The following IQSEC1 variants were observed in gnomAD, a reference collection of about 807,000 sequenced individuals.
IQSEC1 encodes IQ motif and Sec7 domain ArfGEF 1, also known as IQ motif and SEC7 domain-containing protein 1.
Under a neutral mutation model 91.0 loss-of-function variants are expected in IQSEC1, and 31 were observed. That is an observed-to-expected ratio of 0.34 (90% CI 0.26 to 0.46). The LOEUF (loss-of-function observed/expected upper bound fraction) is 0.46. Among genes scored for constraint, IQSEC1 ranks in the 20% least tolerant of loss-of-function variants. The pLI, the probability that IQSEC1 is intolerant of heterozygous loss-of-function variation, is 1.00. For missense variants in IQSEC1, 1,388 were observed against 1,575.6 expected (o/e 0.88, Z 2.02); for synonymous variants, 699 against 662.6 (o/e 1.05, Z -0.84).
At chr3:12,952,673 C>A (rs750009935) in intron 1 of IQSEC1, among the ~76,000 whole-genome samples, 1 of 152,222 alleles carries the variant, frequency 6.6e-6, no homozygotes, top group Non-Finnish European at 1.5e-5. Context: ...CAGCCCAGCC[C>A]CCTGGCCTCC....
intron 1 of IQSEC1, among the ~76,000 whole-genome samples, chr3:12,991,788 T>C (rs1002670965): frequency 1.3e-5 from 2 of 152,172 alleles, no homozygotes; most frequent in Non-Finnish European, 2.9e-5. Context: ...GCAGTTCTTC[T>C]GGTGTGGCCT....
In IQSEC1 at chr3:12,899,014, G is replaced by A. The variant is rs970789126; in HGVS notation, c.*1969C>T. Reference sequence around the variant, plus strand: ...TGAGCAGACACCAAAGAAATGCCACGCCAATGGGAGGACACAGGTGGGCGG... The same window carrying A: ...TGAGCAGACACCAAAGAAATGCCACACCAATGGGAGGACACAGGTGGGCGG... On this transcript the variant is annotated 3_prime_UTR_variant, in exon 14 of 14. Transcript: ENST00000613206. 1.2e-5 allele frequency: 3 copies of A among 240,726 alleles called. No homozygotes were observed. The highest frequency in any genetic ancestry group is 1.0e-4 in the East Asian group (1 of 9,786). The allele number at this position is 240,726 out of a possible 1,614,324, so 14.9% of individuals were successfully genotyped here.
At chr3:13,001,332 G>A (rs940573294) in intron 1 of IQSEC1, among the ~76,000 whole-genome samples, 4 of 152,102 alleles carry the variant, frequency 2.6e-5, no homozygotes, top group African/African-American at 7.2e-5. Flanking sequence ...GCATGAGGTT[G>A]GACATTTCAT....
chr3:13,055,137 G>A (rs966115817), intron 1 of IQSEC1, among the ~76,000 whole-genome samples: 7 of 152,216 alleles, frequency 4.6e-5, no homozygotes, highest in African/African-American at 1.7e-4. Context: ...TGCGGCGATT[G>A]TCCCGGGGTT....
intron 1 of IQSEC1, among the ~76,000 whole-genome samples, chr3:13,215,042 C>G (rs1694517955): frequency 6.6e-6 from 1 of 152,062 alleles, no homozygotes; most frequent in Admixed American, 6.5e-5. Context: ...AATGCAAAGG[C>G]TGCAGAGGCG....
At position 12,908,424 on chromosome 3, in the gene IQSEC1, C is replaced by A; in HGVS notation, c.2680G>T (p.Asp894Tyr). 1 of 1,613,386 alleles carries A rather than the reference C, an allele frequency of 6.2e-7. No individual in the cohort carries two copies. The highest frequency in any genetic ancestry group is 8.5e-7 in the Non-Finnish European group (1 of 1,180,036). ...GNGTLSRACL[D>Y]DSYASGEGLK... ...CCCTCACCGCTGGCATAGCTGTCGT[C>A]CAGGCAGGCCCGGCTCAGTGTTCCG... Residue 894 changes from aspartate (D) to tyrosine (Y), a missense_variant, in exon 12 of 14, where the codon GAC becomes TAC. Transcript: ENST00000613206. This position sits in a 1 kb window ranked among gnomAD's most constrained non-coding sequence, Gnocchi z 4.9.
chr3:13,240,350 G>A (rs374080848), intron 1 of IQSEC1, among the ~76,000 whole-genome samples: 1 of 152,182 alleles, frequency 6.6e-6, no homozygotes, highest in South Asian at 2.1e-4. Flanking sequence ...CAGCCTGGGT[G>A]ACAGAGTGAG....
rs373371544 is a variant in IQSEC1, at chr3:13,144,805, AG to A, written c.302+19298del. ...TGATAGCCCAGGAGCTCTGCTGAGA[AG>A]GAACACAGGCTTCCCACAGAAGAGG... On this transcript the variant is annotated intron_variant, in intron 2 of 15. Transcript: ENST00000648114. Among the ~76,000 whole-genome samples the A allele has an allele frequency of 2.5e-3, 378 of 152,358 alleles. 18 individuals are homozygous for A. The South Asian group carries it at 0.077, about 31-fold the overall frequency.
intron 1 of IQSEC1, among the ~76,000 whole-genome samples, chr3:13,170,070 C>T (rs985809102): frequency 6.6e-6 from 1 of 152,226 alleles, no homozygotes; most frequent in Non-Finnish European, 1.5e-5. Flanking sequence ...AGCCCAGAGG[C>T]CTAGGAGAAA....
chr3:13,129,834 G>A (rs1706581240), intron 2 of IQSEC1, among the ~76,000 whole-genome samples: 1 of 150,850 alleles, frequency 6.6e-6, no homozygotes, highest in African/African-American at 2.4e-5. Context: ...GTTTTTTTGT[G>A]TTTTTAGTAG....
rs183818840 is a variant in IQSEC1 at position 13,244,663 on chromosome 3, G to A, written c.272+38048C>T. ...CACTCCATACTGATCCCCACTCCCA[G>A]CCTCAGCAGCTGGGGCATGCGATAA... On this transcript the variant is annotated intron_variant, in intron 1 of 15. Transcript: ENST00000648114. Among the ~76,000 whole-genome samples, 22 of 152,298 alleles carry A rather than the reference G, an allele frequency of 1.4e-4. 1 individual carries two copies. The East Asian group carries it at 4.2e-3, about 29-fold the overall frequency.
rs191577000 is a variant in IQSEC1 at position 13,008,652 on chromosome 3, C to A, written c.23+64340G>T. Among the ~76,000 whole-genome samples the A allele has an allele frequency of 7.2e-5, 11 of 152,340 alleles. No individual in the cohort carries two copies. In the South Asian group the frequency reaches 1.4e-3, roughly 20 times the overall value. ...TTACTTGTCACCTCTCTGCCTCCCC[C>A]AACCCCCAAATGCCAGCTCTGTGAG... is the stretch of plus-strand genomic sequence containing the variant. On this transcript the variant is annotated intron_variant, in intron 1 of 13. Transcript: ENST00000613206. The surrounding 1 kb of genome is among the most constrained non-coding windows in gnomAD (Gnocchi z 4.1).
chr3:13,016,168 G>C (rs1208456390), intron 1 of IQSEC1, among the ~76,000 whole-genome samples: 6 of 152,222 alleles, frequency 3.9e-5, no homozygotes, highest in Middle Eastern at 3.2e-3. Context: ...TCCCCCACAG[G>C]GGTGCCATCT....
intron 2 of IQSEC1, among the ~76,000 whole-genome samples, chr3:13,118,962 A>G (rs1336416790): frequency 3.9e-5 from 6 of 152,120 alleles, no homozygotes; most frequent in South Asian, 2.1e-4. Flanking sequence ...AGCCCCAGCT[A>G]CTTGGGAAGC....
At chr3:13,029,884 C>G (rs1171868554) in intron 1 of IQSEC1, among the ~76,000 whole-genome samples, 1 of 152,258 alleles carries the variant, frequency 6.6e-6, no homozygotes, top group East Asian at 1.9e-4. Context: ...ATACCCAGAC[C>G]TGTAGAGGTA....
chr3:13,198,584 A>G (rs905584583), intron 1 of IQSEC1, among the ~76,000 whole-genome samples: 2 of 152,096 alleles, frequency 1.3e-5, no homozygotes, highest in Non-Finnish European at 2.9e-5. Context: ...GGAAATGCAC[A>G]TGTTCTGAGT....
chr3:12,990,092 C>T (rs1208156311), intron 1 of IQSEC1, among the ~76,000 whole-genome samples: 2 of 152,220 alleles, frequency 1.3e-5, no homozygotes, highest in Admixed American at 6.5e-5. Context: ...TAATACCCCT[C>T]GGCACTTGGC....
chr3:12,900,450 A>C lies in IQSEC1; in HGVS notation c.*533T>G. 1 of 745,914 alleles carries C rather than the reference A, an allele frequency of 1.3e-6. No homozygotes were observed. The highest frequency in any genetic ancestry group is 1.6e-6 in the Non-Finnish European group (1 of 613,800). The allele number at this position is 745,914 out of a possible 1,614,324, so 46.2% of individuals were successfully genotyped here. ...TTTCACACACAAGTACTACCTATAC[A>C]GTATATATATATATATATTTATATA... On this transcript the variant is annotated 3_prime_UTR_variant, in exon 14 of 14. Coordinates refer to ENST00000613206, the MANE Select transcript of IQSEC1 (RefSeq NM_001134382.3).
intron 3 of IQSEC1, among the ~76,000 whole-genome samples, chr3:12,934,694 C>T (rs1236806087): frequency 6.6e-6 from 1 of 152,112 alleles, no homozygotes; most frequent in Non-Finnish European, 1.5e-5. Flanking sequence ...AAGTGCTCAG[C>T]CCTCCTCCCC....
Sources: allele counts gnomAD v4.1 joint callset (sites outside exome capture counted in the v4.1 genomes callset), GRCh38; gene constraint gnomAD v4.1.1; non-coding constraint Gnocchi (gnomAD v3.1); transcripts MANE v1.5; gene names NCBI Gene and HGNC (gene_info 2026-07-23, HGNC 2026-07-21).